The following NYAP2 variants were observed in gnomAD, a reference collection of about 807,000 sequenced individuals.
NYAP2 encodes neuronal tyrosine-phosphorylated phosphoinositide-3-kinase adaptor 2.
A neutral mutation model predicts 50.4 loss-of-function variants in NYAP2; 23 were observed. That is an observed-to-expected ratio of 0.46 (90% confidence interval 0.33 to 0.65). The LOEUF is 0.65. NYAP2 is among the 30% of genes least tolerant of loss of function. The pLI is 0.02. For missense variants in NYAP2, 885 were observed against 861.0 expected, an observed-to-expected ratio of 1.03 and a Z score of -0.35; for synonymous variants, 394 against 365.2, an observed-to-expected ratio of 1.08 and a Z score of -0.90.
intron 3 of NYAP2, among the ~76,000 whole-genome samples, chr2:225,497,941 T>C (rs1690536654): frequency 6.6e-6 from 1 of 152,160 alleles, no homozygotes; most frequent in African/African-American, 2.4e-5. Flanking sequence ...TATCTATATT[T>C]CACTTTATCT....
intron 4 of NYAP2, among the ~76,000 whole-genome samples, chr2:225,543,093 A>G (rs1352869841): frequency 6.6e-6 from 1 of 151,820 alleles, no homozygotes; most frequent in Non-Finnish European, 1.5e-5. Flanking sequence ...GAATTTCTGC[A>G]TTGTTGGTTG....
At chr2:225,497,648 A>G (rs1690531541) in intron 3 of NYAP2, among the ~76,000 whole-genome samples, 1 of 152,242 alleles carries the variant, frequency 6.6e-6, no homozygotes, top group African/African-American at 2.4e-5. Flanking sequence ...ATCATGGGGT[A>G]AGGTATTACT....
At chr2:225,615,721 G>A (rs934064915) in intron 5 of NYAP2, among the ~76,000 whole-genome samples, 3 of 152,106 alleles carry the variant, frequency 2.0e-5, no homozygotes, top group Admixed American at 2.0e-4. Flanking sequence ...TGTCAAAACT[G>A]TGGATTCTGG....
At chr2:225,570,581 A>G (rs1692050575) in intron 4 of NYAP2, among the ~76,000 whole-genome samples, 1 of 152,096 alleles carries the variant, frequency 6.6e-6, no homozygotes, top group Non-Finnish European at 1.5e-5. Context: ...ATCAGATCTC[A>G]TGAGAACTCA....
chr2:225,633,631 A>C (rs1693358187), intron 6 of NYAP2, among the ~76,000 whole-genome samples: 3 of 152,184 alleles, frequency 2.0e-5, no homozygotes. Context: ...CTCCATTACA[A>C]GGAAAATCTA....
chr2:225,626,996 T>C, exon 6 of NYAP2: 1 of 1,589,336 alleles, frequency 6.3e-7, no homozygotes, highest in African/African-American at 1.3e-5. Flanking sequence ...GAGGCCACCA[T>C]GGGGCGTCTT....
chr2:225,607,363 A>G (rs779573518), intron 5 of NYAP2, among the ~76,000 whole-genome samples: 5 of 152,138 alleles, frequency 3.3e-5, no homozygotes, highest in Admixed American at 6.6e-5. Flanking sequence ...CAGTCTATTC[A>G]GCATTACTAT....
At chr2:225,557,431 T>C (rs1691796445) in intron 4 of NYAP2, among the ~76,000 whole-genome samples, 1 of 151,682 alleles carries the variant, frequency 6.6e-6, no homozygotes, top group South Asian at 2.1e-4. Flanking sequence ...TGCATGTTTG[T>C]ATGTATGTTT....
chr2:225,666,691 T>G, the NYAP2 span, among the ~76,000 whole-genome samples: 1 of 152,330 alleles, frequency 6.6e-6, no homozygotes, highest in African/African-American at 2.4e-5. Flanking sequence ...AGTCTTAAAG[T>G]GGCTGCCCTT....
intron 3 of NYAP2, among the ~76,000 whole-genome samples, chr2:225,497,722 T>C (rs1690533108): frequency 6.6e-6 from 1 of 152,154 alleles, no homozygotes; most frequent in Non-Finnish European, 1.5e-5. Context: ...CACAATGATT[T>C]AGGAGCAGTG....
At chr2:225,529,576 C>T (rs115200399) in intron 4 of NYAP2, among the ~76,000 whole-genome samples, 2,478 of 152,272 alleles carry the variant, frequency 0.016, 67 homozygotes, top group African/African-American at 0.056. Flanking sequence ...CTACCCGCCT[C>T]GGCCTCCATA....
intron 6 of NYAP2, among the ~76,000 whole-genome samples, chr2:225,628,465 G>A (rs960658638): frequency 6.6e-6 from 1 of 151,932 alleles, no homozygotes; most frequent in South Asian, 2.1e-4. Context: ...GGGCTTACAG[G>A]TGCCCACCAC....
chr2:225,668,694 ACC>A, the NYAP2 span, among the ~76,000 whole-genome samples: 3 of 151,196 alleles, frequency 2.0e-5, no homozygotes, highest in African/African-American at 7.3e-5. Context: ...TCGGCCTTGA[ACC>A]CCTCTCTTCT....
the NYAP2 span, among the ~76,000 whole-genome samples, chr2:225,684,578 G>C: frequency 6.6e-6 from 1 of 150,882 alleles, no homozygotes; most frequent in African/African-American, 2.4e-5. Context: ...TTTTGAGACA[G>C]AGTCTCACTG....
chr2:225,548,027 A>G (rs1274630452), intron 4 of NYAP2, among the ~76,000 whole-genome samples: 1 of 152,154 alleles, frequency 6.6e-6, no homozygotes, highest in Non-Finnish European at 1.5e-5. Flanking sequence ...GCAAGAACTA[A>G]TGTTAAGTCT....
chr2:225,593,783 A>G (rs1692552909), intron 5 of NYAP2, among the ~76,000 whole-genome samples: 1 of 152,248 alleles, frequency 6.6e-6, no homozygotes, highest in Non-Finnish European at 1.5e-5. Context: ...ACACTTAAGA[A>G]GGCTATTGAA....
Position 225,465,053 on chromosome 2 carries a change from T to C in NYAP2, c.222-48318T>C, listed in dbSNP as rs188365980. Among the ~76,000 whole-genome samples, 415 of 151,484 alleles carry C rather than the reference T, an allele frequency of 2.7e-3. 4 individuals are homozygous for C. Among genetic ancestry groups the C allele is most frequent in the African/African-American group, 9.7e-3 (396 of 40,806 alleles). ...TGGTACAAACTTAGGAATCTAATAC[T>C]AGAAGGCAATGCAAGATACCATTTT... On this transcript the variant is annotated intron_variant, in intron 3 of 6. Coordinates refer to ENST00000636099, the Ensembl canonical transcript of NYAP2.
intron 3 of NYAP2, among the ~76,000 whole-genome samples, chr2:225,452,765 T>C (rs1689673875): frequency 6.6e-6 from 1 of 152,176 alleles, no homozygotes; most frequent in South Asian, 2.1e-4. Flanking sequence ...ACTAATGCAG[T>C]CATGCACGCG....
chr2:225,687,089 T>C, the NYAP2 span, among the ~76,000 whole-genome samples: 1 of 152,178 alleles, frequency 6.6e-6, no homozygotes, highest in African/African-American at 2.4e-5. Context: ...CTGAGTGCAG[T>C]TTTTATTTAG....
Sources: allele counts gnomAD v4.1 joint callset (sites outside exome capture counted in the v4.1 genomes callset), GRCh38; gene constraint gnomAD v4.1.1; transcripts MANE v1.5; gene names NCBI Gene and HGNC (gene_info 2026-07-23, HGNC 2026-07-21).